Variants in UHRF1 observed in about 807,000 individuals in gnomAD.
UHRF1 encodes the protein ubiquitin like with PHD and ring finger domains 1.
Under a neutral mutation model 96.5 loss-of-function variants are expected in UHRF1, and 9 were observed. That is an observed-to-expected ratio of 0.09 (90% CI 0.06 to 0.16). The LOEUF is 0.16. UHRF1 is among the 10% of genes least tolerant of loss of function. The pLI is 1.00. For synonymous variants in UHRF1, 455 were observed against 469.9 expected, an observed-to-expected ratio of 0.97 and a Z score of 0.41; for missense variants, 626 against 1,131.1, an observed-to-expected ratio of 0.55 and a Z score of 6.40.
chr19:4,910,258 G>GGC (rs1215916430), intron 1 of UHRF1: 3 of 149,766 alleles, frequency 2.0e-5, no homozygotes, highest in Non-Finnish European at 3.0e-5. Flanking sequence ...TGAGTCGCGG[G>GGC]GCGCGCGCGC....
chr19:4,912,155 G>A (rs755573672), intron 2 of UHRF1, among the ~76,000 whole-genome samples: 4 of 152,140 alleles, frequency 2.6e-5, no homozygotes, highest in East Asian at 1.9e-4. Context: ...GAGTTAACCC[G>A]CCCTGCCCCG....
chr19:4,946,022 T>G (rs1599288415), intron 10 of UHRF1, 57 bp downstream of exon 10: 2 of 1,337,116 alleles, frequency 1.5e-6, no homozygotes, highest in South Asian at 2.7e-5. Context: ...TGGATGGTGG[T>G]AAAATACATA....
chr19:4,943,499 C>A (rs949262102), intron 7 of UHRF1, among the ~76,000 whole-genome samples: 6 of 139,736 alleles, frequency 4.3e-5, no homozygotes, highest in South Asian at 2.3e-4. Context: ...TGCCCTGCCC[C>A]CCCTCCCCAC....
chr19:4,939,843 T>G lies in UHRF1; in HGVS notation c.786-1685T>G, dbSNP rs190456340. On this transcript the variant is annotated intron_variant, in intron 5 of 16. Coordinates refer to ENST00000650932, the MANE Select transcript of UHRF1 (RefSeq NM_001048201.3). Reference sequence around the variant, plus strand: ...ATCGAGACCATCCTGGCAAACACGGTGAAACCCCGTCTCTACTAAAAATAC... The same window carrying G: ...ATCGAGACCATCCTGGCAAACACGGGGAAACCCCGTCTCTACTAAAAATAC... Among the ~76,000 whole-genome samples, 7 of 152,120 alleles carry G rather than the reference T, an allele frequency of 4.6e-5. No homozygotes were observed. In the South Asian group the frequency reaches 1.5e-3, roughly 32 times the overall value.
chr19:4,921,723 C>T (rs957477482), intron 2 of UHRF1, among the ~76,000 whole-genome samples: 1 of 152,150 alleles, frequency 6.6e-6, no homozygotes, highest in African/African-American at 2.4e-5. Context: ...TGCCACTGCC[C>T]TCCAGCCTGG....
chr19:4,932,869 A>G lies in UHRF1; in HGVS notation c.698A>G (p.Lys233Arg), dbSNP rs754341561. Reference protein sequence around the residue: ...VMLNYNPDNPKERGFWYDAEI... With the variant: ...VMLNYNPDNPRERGFWYDAEI... ...CTCAACTACAACCCCGACAACCCCAAGGAGCGGGGCTTCTGGTACGACGCG... is the reference window on the plus strand; with the variant it reads ...CTCAACTACAACCCCGACAACCCCAGGGAGCGGGGCTTCTGGTACGACGCG... The change falls in exon 5 of 17, where the codon AAG becomes AGG. Residue 233 changes from lysine to arginine, a missense_variant. Lys to Arg is a conservative substitution (Grantham distance 26). Around this residue, in one of 11 missense-constraint regions of UHRF1, gnomAD observed 198 missense variants for 235.1 expected, o/e 0.84. Coordinates refer to ENST00000650932, the MANE Select transcript of UHRF1 (RefSeq NM_001048201.3). 4 of 1,613,760 alleles carry G rather than the reference A, an allele frequency of 2.5e-6. No individual in the cohort carries two copies. The highest frequency in any genetic ancestry group is 3.4e-6 in the Non-Finnish European group (4 of 1,179,896).
chr19:4,911,826 A>G (rs2146281326), intron 2 of UHRF1, among the ~76,000 whole-genome samples: 1 of 152,156 alleles, frequency 6.6e-6, no homozygotes, highest in East Asian at 1.9e-4. Flanking sequence ...GTGTGATCGA[A>G]GGTGTAGGTC....
At position 4,923,174 on chromosome 19, in the gene UHRF1, C is replaced by T. The variant is rs1442670873; in HGVS notation, c.154-6048C>T. 2.0e-5 allele frequency among the ~76,000 whole-genome samples: 3 copies of T among 152,340 alleles called. No homozygotes were observed. The East Asian group carries it at 5.8e-4, about 29-fold the overall frequency. ...ATTGGCCCTGCCTCCCTGCTTAACTCTGCCGCCTTGGCTTCCCCTCCTCGG... is the reference window on the plus strand; with the variant it reads ...ATTGGCCCTGCCTCCCTGCTTAACTTTGCCGCCTTGGCTTCCCCTCCTCGG... On this transcript the variant is annotated intron_variant, in intron 2 of 16. Coordinates refer to ENST00000650932, the MANE Select transcript of UHRF1 (RefSeq NM_001048201.3).
intron 10 of UHRF1, 55 bp from the exon 11 acceptor site, chr19:4,947,049 TC>T: frequency 2.2e-6 from 3 of 1,358,786 alleles, no homozygotes; most frequent in Non-Finnish European, 3.1e-6. Flanking sequence ...CAATGCAGTC[TC>T]TTTTTTTTTT....
intron 2 of UHRF1, among the ~76,000 whole-genome samples, chr19:4,916,139 C>CTCTACATGAATGTAGACCCCG (rs1325671464): frequency 2.0e-5 from 3 of 152,028 alleles, no homozygotes; most frequent in Non-Finnish European, 4.4e-5. Flanking sequence ...AAGACCCCGT[C>CTCTACATGAATGTAGACCCCG]TCTACAAAAA....
At chr19:4,942,698 C>T (rs2033444341) in intron 7 of UHRF1, among the ~76,000 whole-genome samples, 1 of 151,964 alleles carries the variant, frequency 6.6e-6, no homozygotes, top group Non-Finnish European at 1.5e-5. Flanking sequence ...GATCTGCCTG[C>T]CTCAGCCTTC....
At chr19:4,957,163 G>A (rs1005944842) in intron 16 of UHRF1, among the ~76,000 whole-genome samples, 8 of 152,140 alleles carry the variant, frequency 5.3e-5, no homozygotes, top group Non-Finnish European at 1.2e-4. Context: ...TGGGACAGCA[G>A]GTGAAGAAGC....
intron 13 of UHRF1, among the ~76,000 whole-genome samples, chr19:4,951,788 G>A (rs1445842612): frequency 6.6e-6 from 1 of 151,490 alleles, no homozygotes; most frequent in Non-Finnish European, 1.5e-5. Context: ...GAATATCCCC[G>A]AGCCATCTCT....
chr19:4,924,312 G>T (rs1360622872), intron 2 of UHRF1, among the ~76,000 whole-genome samples: 1 of 152,122 alleles, frequency 6.6e-6, no homozygotes, highest in Non-Finnish European at 1.5e-5. Context: ...ACCACGCCTG[G>T]CTAATTTTTT....
At position 4,931,831 on chromosome 19, in the gene UHRF1, G is replaced by A. The variant is rs1320199329; in HGVS notation, c.570-910G>A. Among the ~76,000 whole-genome samples, 7 of 151,964 alleles carry A rather than the reference G, an allele frequency of 4.6e-5. No individual in the cohort carries two copies. In the East Asian group the frequency reaches 1.4e-3, roughly 30 times the overall value. On this transcript the variant is annotated intron_variant, in intron 4 of 16. Transcript: ENST00000650932. ...GCTGGAGTGCAATGGTGTGATCTTG[G>A]CTCATTGCACCCTCCATCTCCCGGG... is the stretch of plus-strand genomic sequence containing the variant.
chr19:4,947,048 CTCTT>C, intron 10 of UHRF1, 53 bp from the exon 11 acceptor site: 1 of 1,333,782 alleles, frequency 7.5e-7, no homozygotes, highest in South Asian at 1.3e-5. Context: ...TCAATGCAGT[CTCTT>C]TTTTTTTTTT....
intron 5 of UHRF1, among the ~76,000 whole-genome samples, chr19:4,939,443 A>C (rs2033318905): frequency 6.6e-6 from 1 of 151,566 alleles, no homozygotes; most frequent in Admixed American, 6.6e-5. Flanking sequence ...GCAGTGGTGC[A>C]ATCATAGCTC....
At chr19:4,932,704 C>G (rs2033091042) in intron 4 of UHRF1, 37 bp from the exon 5 acceptor site, 1 of 1,607,474 alleles carries the variant, frequency 6.2e-7, no homozygotes, top group African/African-American at 1.3e-5. Flanking sequence ...GAGGCTTGGT[C>G]TTAGCACGGG....
At chr19:4,934,691 C>T (rs1280506294) in intron 5 of UHRF1, among the ~76,000 whole-genome samples, 3 of 152,162 alleles carry the variant, frequency 2.0e-5, no homozygotes, top group African/African-American at 7.2e-5. Context: ...ACACGAGCAT[C>T]TTGGCAACGG....
Sources: gnomAD v4.1 joint callset for allele counts (sites outside exome capture counted in the v4.1 genomes callset) on GRCh38, gnomAD v4.1.1 for gene constraint, gnomAD v4.1.1 regional missense constraint, MANE v1.5 for transcripts, NCBI Gene and HGNC (gene_info 2026-07-23, HGNC 2026-07-21) for gene names.